Variants in TDO2 observed in about 807,000 individuals in gnomAD.
The protein encoded by TDO2 is tryptophan 2,3-dioxygenase.
A neutral mutation model predicts 61.2 loss-of-function variants in TDO2; 63 were observed. That is an observed-to-expected ratio of 1.03 (90% CI 0.84 to 1.27). The LOEUF is 1.27. Ranked by LOEUF, TDO2 falls within the 50% of genes most tolerant of loss-of-function variation. The pLI, the probability that TDO2 is intolerant of heterozygous loss-of-function variation, is 0.00. For synonymous variants in TDO2, 183 were observed against 164.0 expected, an observed-to-expected ratio of 1.12 and a Z score of -0.89; for missense variants, 494 against 469.5, an observed-to-expected ratio of 1.05 and a Z score of -0.48.
intron 3 of TDO2, chr4:155,906,111 A>G (rs1231645912): frequency 6.6e-6 from 1 of 152,130 alleles, no homozygotes; most frequent in Non-Finnish European, 1.5e-5. Flanking sequence ...CAAGTTGCTT[A>G]GATCTCAGGA....
intron 8 of TDO2, 95 bp from the exon 9 acceptor site, chr4:155,915,760 T>G: frequency 1.0e-6 from 1 of 965,646 alleles, no homozygotes; most frequent in East Asian, 2.7e-5. Context: ...TCTAAACACA[T>G]GTAATCCATT....
At position 155,920,177 on chromosome 4, in the gene TDO2, G is replaced by A. The variant is rs1183090654; in HGVS notation, c.*187G>A. On this transcript the variant is annotated 3_prime_UTR_variant, in exon 12 of 12. Coordinates refer to ENST00000536354, the MANE Select transcript of TDO2 (RefSeq NM_005651.4). ...CAAGACTAAGCATTAAGATGAGAAA[G>A]AATACATTTAAATAGTAACATTGTA... 18 of 585,148 alleles carry A rather than the reference G, an allele frequency of 3.1e-5. No homozygotes were observed. The highest frequency in any genetic ancestry group is 2.8e-4 in the South Asian group (12 of 42,494). The allele number at this position is 585,148 out of a possible 1,614,324, so 36.2% of individuals were successfully genotyped here.
chr4:155,911,379 T>C lies in TDO2; in HGVS notation c.619-118T>C, dbSNP rs1742826100. 1.4e-5 allele frequency: 8 copies of C among 584,884 alleles called. No individual in the cohort carries two copies. The South Asian group carries it at 2.2e-4, about 16-fold the overall frequency. The allele number at this position is 584,884 out of a possible 1,614,324, so 36.2% of individuals were successfully genotyped here. On this transcript the variant is annotated intron_variant, in intron 6 of 11. Transcript: ENST00000536354. ...ATAAAAAACATTTACAAATAAAACT[T>C]GTAGCATATGTTTCTGGAAACCATG...
Position 155,903,796 on chromosome 4 carries a change from G to C in TDO2, c.35+3G>C, listed in dbSNP as rs754285981. 7 of 1,614,148 alleles carry C rather than the reference G, an allele frequency of 4.3e-6. No individual in the cohort carries two copies. In the South Asian group the frequency reaches 6.6e-5, roughly 15 times the overall value. ...CCATTTTTAGGAAACAACTTTGGGT[G>C]AGTATTTACCTTTATTCTAAGTGGG... is the stretch of plus-strand genomic sequence containing the variant. On this transcript the variant is annotated splice_donor_region_variant and intron_variant, in intron 1 of 11. Transcript: ENST00000536354.
intron 11 of TDO2, chr4:155,918,674 A>G (rs1244704726): frequency 6.0e-6 from 1 of 165,362 alleles, no homozygotes; most frequent in Admixed American, 5.8e-5. Flanking sequence ...AACTATTTCC[A>G]TCTACTCCAG....
chr4:155,907,610 T>G (rs2110866919), intron 3 of TDO2, 112 bp from the exon 4 acceptor site: 1 of 701,236 alleles, frequency 1.4e-6, no homozygotes, highest in East Asian at 2.7e-5. Context: ...CATTTATTGA[T>G]TTTAAGGTAA....
At chr4:155,918,326 A>G in intron 11 of TDO2, 87 bp downstream of exon 11, 2 of 1,226,922 alleles carry the variant, frequency 1.6e-6, no homozygotes, top group South Asian at 2.6e-5. Context: ...AAAAAAAGCC[A>G]TTTTATTTGC....
At chr4:155,910,583 C>T (rs1242303047) in intron 6 of TDO2, among the ~76,000 whole-genome samples, 1 of 152,018 alleles carries the variant, frequency 6.6e-6, no homozygotes, top group African/African-American at 2.4e-5. Flanking sequence ...TTGAAAATTT[C>T]CAGTTATTTA....
chr4:155,909,993 C>T, intron 5 of TDO2, 32 bp from the exon 6 acceptor site: 6 of 1,349,668 alleles, frequency 4.4e-6, no homozygotes, highest in African/African-American at 3.2e-5. Context: ...TTTCCCTTCC[C>T]TTGCCTTTCC....
intron 3 of TDO2, chr4:155,906,048 T>G (rs773281732): frequency 4.6e-5 from 7 of 152,134 alleles, no homozygotes; most frequent in Non-Finnish European, 8.8e-5. Flanking sequence ...AATTAGGAAT[T>G]TAAAAATTGT....
At chr4:155,914,570 G>T in intron 8 of TDO2, 136 bp downstream of exon 8, 1 of 594,708 alleles carries the variant, frequency 1.7e-6, no homozygotes, top group East Asian at 3.4e-5. Context: ...AAACAAAAAT[G>T]GAGTAAATGT....
In TDO2 at chr4:155,918,106, T is replaced by C. The variant is rs1742975448; in HGVS notation, c.977-43T>C. On this transcript the variant is annotated intron_variant, in intron 10 of 11. Coordinates refer to ENST00000536354, the MANE Select transcript of TDO2 (RefSeq NM_005651.4). ...CATTGTTAGAACATTGTGGAACTAA[T>C]GGTGGAAAAATATCCATGGAGTAAA... 6 of 1,577,366 alleles carry C rather than the reference T, an allele frequency of 3.8e-6. No individual in the cohort carries two copies. The East Asian group carries it at 1.3e-4, about 35-fold the overall frequency.
intron 11 of TDO2, among the ~76,000 whole-genome samples, chr4:155,919,205 T>C (rs1231199134): frequency 1.3e-5 from 2 of 152,204 alleles, no homozygotes; most frequent in Non-Finnish European, 2.9e-5. Context: ...AACTGGGGCA[T>C]TGAAGTTTAA....
At chr4:155,912,842 A>G (rs1742860224) in intron 7 of TDO2, among the ~76,000 whole-genome samples, 1 of 152,052 alleles carries the variant, frequency 6.6e-6, no homozygotes, top group Non-Finnish European at 1.5e-5. Context: ...CACCAATAAA[A>G]CCAAACTTGA....
intron 9 of TDO2, 139 bp from the exon 10 acceptor site, chr4:155,917,256 A>G: frequency 3.3e-6 from 2 of 614,074 alleles, no homozygotes; most frequent in Non-Finnish European, 5.5e-6. Context: ...GACTGAGAGA[A>G]TAAGCCAAAG....
In TDO2 at chr4:155,917,380, CT is replaced by C; in HGVS notation, c.897-8del. ...ACTTGAATATATTCTTCTTTTTCTT[CT>C]TTTTTTCCTTTAGGGAAGAGCCTAG... On this transcript the variant is annotated splice_polypyrimidine_tract_variant and intron_variant, in intron 9 of 11. Coordinates refer to ENST00000536354, the MANE Select transcript of TDO2 (RefSeq NM_005651.4). The C allele has an allele frequency of 3.8e-6, 6 of 1,597,480 alleles. No homozygotes were observed. Among genetic ancestry groups the C allele is most frequent in the Admixed American group, 1.8e-5 (1 of 56,740 alleles).
At chr4:155,911,849 A>C (rs1742841734) in intron 7 of TDO2, among the ~76,000 whole-genome samples, 1 of 152,106 alleles carries the variant, frequency 6.6e-6, no homozygotes, top group Admixed American at 6.5e-5. Context: ...GATTAATATT[A>C]TTTTTCATTT....
chr4:155,914,758 C>T (rs763941914), intron 8 of TDO2, among the ~76,000 whole-genome samples: 20 of 152,054 alleles, frequency 1.3e-4, no homozygotes, highest in Non-Finnish European at 1.6e-4. Flanking sequence ...TAACAGTAAA[C>T]ACTATGGTAG....
At chr4:155,916,625 C>T (rs375838632) in intron 9 of TDO2, among the ~76,000 whole-genome samples, 4 of 151,990 alleles carry the variant, frequency 2.6e-5, no homozygotes, top group Non-Finnish European at 4.4e-5. Context: ...TCAGCAATTT[C>T]AAGTAAAATT....
Sources: allele counts gnomAD v4.1 joint callset (sites outside exome capture counted in the v4.1 genomes callset), GRCh38; gene constraint gnomAD v4.1.1; transcripts MANE v1.5; gene names NCBI Gene and HGNC (gene_info 2026-07-23, HGNC 2026-07-21).